The following ULK4 variants were observed in gnomAD, a reference collection of about 807,000 sequenced individuals.
ULK4 encodes the protein inactive serine/threonine-protein kinase ULK4.
In ULK4, 133 loss-of-function variants were observed where a neutral mutation model predicts 160.6. The ratio of observed to expected loss-of-function variants is 0.83; its 90% CI spans 0.72 to 0.96. The LOEUF (loss-of-function observed/expected upper bound fraction) is 0.96, where lower values mean the gene tolerates loss of function less well. ULK4 is among the 40% of genes least tolerant of loss of function. ULK4 has a pLI of 0.00. For missense variants in ULK4, 1,580 were observed against 1,499.5 expected (o/e 1.05, Z -0.89); for synonymous variants, 534 against 539.8 (o/e 0.99, Z 0.15).
chr3:41,540,776 C>A (rs990958240), intron 32 of ULK4, among the ~76,000 whole-genome samples: 1 of 152,176 alleles, frequency 6.6e-6, no homozygotes, highest in Non-Finnish European at 1.5e-5. Flanking sequence ...ATTTGCAGTT[C>A]TCTATGACCA....
At chr3:41,827,348 T>G (rs2041398064) in intron 18 of ULK4, among the ~76,000 whole-genome samples, 1 of 151,640 alleles carries the variant, frequency 6.6e-6, no homozygotes, top group African/African-American at 2.4e-5. Context: ...AAAAAACCCT[T>G]CAAAACAATC....
chr3:41,348,861 G>A (rs1476520291), intron 35 of ULK4, among the ~76,000 whole-genome samples: 2 of 152,178 alleles, frequency 1.3e-5, no homozygotes, highest in East Asian at 3.8e-4. Flanking sequence ...GTGGACCAGA[G>A]TCCTTAATTC....
chr3:41,541,626 C>A (rs1206970945), intron 32 of ULK4, among the ~76,000 whole-genome samples: 1 of 152,144 alleles, frequency 6.6e-6, no homozygotes, highest in Non-Finnish European at 1.5e-5. Context: ...GGAAGTATGG[C>A]CATTTTCATG....
intron 31 of ULK4, among the ~76,000 whole-genome samples, chr3:41,600,933 A>G (rs2125661035): frequency 6.6e-6 from 1 of 152,358 alleles, no homozygotes; most frequent in Admixed American, 6.5e-5. Context: ...GAGAAGACAA[A>G]AACAGATGCC....
At chr3:41,273,788 G>T (rs1276624726) in intron 35 of ULK4, among the ~76,000 whole-genome samples, 2 of 152,074 alleles carry the variant, frequency 1.3e-5, no homozygotes, top group Admixed American at 1.3e-4. Context: ...TCTTGCTTTT[G>T]CAAGACTAAA....
At chr3:41,412,416 T>C (rs1271284185) in intron 34 of ULK4, among the ~76,000 whole-genome samples, 2 of 146,918 alleles carry the variant, frequency 1.4e-5, no homozygotes, top group African/African-American at 5.1e-5. Context: ...TTTTTTTTGG[T>C]AGAAATTGAC....
intron 32 of ULK4, among the ~76,000 whole-genome samples, chr3:41,478,294 T>C (rs1483476618): frequency 6.6e-6 from 1 of 152,230 alleles, no homozygotes; most frequent in Non-Finnish European, 1.5e-5. Context: ...ATGAATCACA[T>C]GCTGAGACTT....
intron 17 of ULK4, among the ~76,000 whole-genome samples, chr3:41,849,246 T>A (rs2042145985): frequency 6.6e-6 from 1 of 152,244 alleles, no homozygotes; most frequent in Non-Finnish European, 1.5e-5. Context: ...CATGAAGGAC[T>A]TGTATTACTT....
chr3:41,668,060 T>C (rs1406553252), intron 29 of ULK4, among the ~76,000 whole-genome samples: 2 of 152,110 alleles, frequency 1.3e-5, no homozygotes, highest in Non-Finnish European at 2.9e-5. Flanking sequence ...ATGAAACAAT[T>C]GGTCAAGTGA....
intron 32 of ULK4, among the ~76,000 whole-genome samples, chr3:41,497,125 A>G (rs1244999193): frequency 6.6e-6 from 1 of 152,196 alleles, no homozygotes; most frequent in African/African-American, 2.4e-5. Context: ...AAAGACATAA[A>G]AAGAAAATAT....
At position 41,812,718 on chromosome 3, in the gene ULK4, T is replaced by C. The variant is rs141955990; in HGVS notation, c.1848+6705A>G. Among the ~76,000 whole-genome samples, 475 of 152,328 alleles carry C rather than the reference T, an allele frequency of 3.1e-3. 2 individuals carry two copies. Among genetic ancestry groups the C allele is most frequent in the African/African-American group, 0.011 (451 of 41,572 alleles). On this transcript the variant is annotated intron_variant, in intron 19 of 36. Coordinates refer to ENST00000301831, the MANE Select transcript of ULK4 (RefSeq NM_017886.4). ...CTGACTTGAGCCTCACCCCTGAGTC[T>C]GAAGACTTACCCTTCCATTGCTTTG...
chr3:41,411,863 G>C (rs566752198), intron 34 of ULK4, among the ~76,000 whole-genome samples: 4 of 152,184 alleles, frequency 2.6e-5, no homozygotes, highest in African/African-American at 7.2e-5. Flanking sequence ...TTGTGTAGGA[G>C]ACTGAATGCT....
At chr3:41,814,850 C>A (rs2040917953) in intron 19 of ULK4, among the ~76,000 whole-genome samples, 1 of 148,460 alleles carries the variant, frequency 6.7e-6, no homozygotes, top group Non-Finnish European at 1.5e-5. Context: ...CTCTTTCAGT[C>A]TTTCTATAAC....
At chr3:41,738,611 T>G (rs2038134309) in intron 22 of ULK4, among the ~76,000 whole-genome samples, 1 of 151,766 alleles carries the variant, frequency 6.6e-6, no homozygotes, top group African/African-American at 2.4e-5. Flanking sequence ...AGCAATAAAC[T>G]CCAGAAAAAT....
intron 32 of ULK4, among the ~76,000 whole-genome samples, chr3:41,552,616 T>C (rs7651520): frequency 0.51 from 77,228 of 151,236 alleles, 19,774 homozygotes; most frequent in Middle Eastern, 0.57. Flanking sequence ...AATAGAAAAA[T>C]ATCCTATGCT....
At chr3:41,343,771 T>C (rs990397398) in intron 35 of ULK4, among the ~76,000 whole-genome samples, 1 of 151,856 alleles carries the variant, frequency 6.6e-6, no homozygotes, top group Admixed American at 6.6e-5. Context: ...AAGAATAAAA[T>C]ACCCAGCAAT....
intron 16 of ULK4, 52 bp downstream of exon 16, chr3:41,895,466 A>C: frequency 1.0e-6 from 1 of 992,630 alleles, no homozygotes. Context: ...GTGCTCTGTA[A>C]CTACTTAATA....
intron 21 of ULK4, among the ~76,000 whole-genome samples, chr3:41,772,612 T>C (rs1297104121): frequency 1.3e-5 from 2 of 152,110 alleles, no homozygotes; most frequent in Admixed American, 6.5e-5. Flanking sequence ...CAGGACCAGA[T>C]GGATTCACAG....
At chr3:41,275,989 T>C (rs1327683079) in intron 35 of ULK4, among the ~76,000 whole-genome samples, 2 of 152,234 alleles carry the variant, frequency 1.3e-5, no homozygotes, top group Non-Finnish European at 2.9e-5. Flanking sequence ...TTAGCTCCTT[T>C]GCCAGCTTCT....
Sources: gnomAD v4.1 joint callset for allele counts (sites outside exome capture counted in the v4.1 genomes callset) on GRCh38, gnomAD v4.1.1 for gene constraint, MANE v1.5 for transcripts, NCBI Gene and HGNC (gene_info 2026-07-23, HGNC 2026-07-21) for gene names.